Variants in L3MBTL3 observed in about 807,000 individuals in gnomAD.
L3MBTL3 encodes L3MBTL histone methyl-lysine binding protein 3, also known as lethal(3)malignant brain tumor-like protein 3.
L3MBTL3 carries 27 observed loss-of-function variants against 102.3 expected under a neutral mutation model. The observed-to-expected ratio is 0.26, with a 90% CI of 0.19 to 0.36. The LOEUF (loss-of-function observed/expected upper bound fraction) is 0.36. L3MBTL3 is among the 10% of genes least tolerant of loss of function. L3MBTL3 has a pLI of 1.00. For missense variants in L3MBTL3, 798 were observed against 955.3 expected, an observed-to-expected ratio of 0.84 and a Z score of 2.17; for synonymous variants, 340 against 320.9, an observed-to-expected ratio of 1.06 and a Z score of -0.64.
chr6:130,028,173 T>C (rs1485403047), intron 2 of L3MBTL3, among the ~76,000 whole-genome samples: 2 of 152,192 alleles, frequency 1.3e-5, no homozygotes, highest in East Asian at 1.9e-4. Flanking sequence ...TTCATCCTTC[T>C]TACAGTAACA....
intron 3 of L3MBTL3, among the ~76,000 whole-genome samples, chr6:130,046,198 C>G (rs1328797257): frequency 6.6e-6 from 1 of 152,110 alleles, no homozygotes; most frequent in Non-Finnish European, 1.5e-5. Context: ...GAGAGGACAG[C>G]ATCTTATCTA....
At chr6:130,112,066 G>A (rs979549281) in intron 19 of L3MBTL3, among the ~76,000 whole-genome samples, 14 of 152,014 alleles carry the variant, frequency 9.2e-5, no homozygotes, top group African/African-American at 3.4e-4. Flanking sequence ...TCTCATCTTT[G>A]GGGTGTCAGA....
chr6:130,062,847 T>TA (rs538758754), intron 10 of L3MBTL3, among the ~76,000 whole-genome samples: 106 of 151,396 alleles, frequency 7.0e-4, no homozygotes, highest in Non-Finnish European at 1.1e-3. Flanking sequence ...CCTCTGTAAG[T>TA]AGGTCTAGGA....
At chr6:130,049,483 A>G (rs1780950120) in intron 4 of L3MBTL3, 90 bp downstream of exon 4, 1 of 883,016 alleles carries the variant, frequency 1.1e-6, no homozygotes, top group South Asian at 1.8e-5. Flanking sequence ...GGAACTTTGA[A>G]GGCCCCGGGT....
At chr6:130,084,646 ATTC>A (rs1264343549) in intron 15 of L3MBTL3, among the ~76,000 whole-genome samples, 2 of 152,180 alleles carry the variant, frequency 1.3e-5, no homozygotes, top group Admixed American at 6.5e-5. Flanking sequence ...TTAACTTTAA[ATTC>A]TTGTCTGATG....
intron 19 of L3MBTL3, among the ~76,000 whole-genome samples, chr6:130,117,857 G>A (rs1035053802): frequency 5.2e-5 from 7 of 134,776 alleles, no homozygotes; most frequent in Admixed American, 1.5e-4. Context: ...ATGCCAGCAC[G>A]CCTGACTTTT....
At chr6:130,103,347 A>G (rs1784808243) in intron 18 of L3MBTL3, among the ~76,000 whole-genome samples, 1 of 152,188 alleles carries the variant, frequency 6.6e-6, no homozygotes, top group African/African-American at 2.4e-5. Context: ...TGCTTATGAG[A>G]TATCTGTGAT....
rs544925891 is a variant in L3MBTL3 at position 130,073,054 on chromosome 6, T to G, written c.1244+1927T>G. ...CTTATTTACTGTGTTCTTCTGTTCC[T>G]CCTATTTACTGTGTTCTTCTGTTCC... On this transcript the variant is annotated intron_variant, in intron 13 of 22. Transcript: ENST00000361794. Among the ~76,000 whole-genome samples, 3 of 152,254 alleles carry G rather than the reference T, an allele frequency of 2.0e-5. No homozygotes were observed. The East Asian group carries it at 5.8e-4, about 29-fold the overall frequency.
At chr6:130,054,905 C>T (rs1781362924) in intron 7 of L3MBTL3, among the ~76,000 whole-genome samples, 2 of 152,322 alleles carry the variant, frequency 1.3e-5, no homozygotes, top group South Asian at 4.1e-4. Flanking sequence ...AGCGGTCACG[C>T]AGCTGAGAGC....
At chr6:130,117,414 A>C (rs928075301) in intron 19 of L3MBTL3, among the ~76,000 whole-genome samples, 1 of 152,040 alleles carries the variant, frequency 6.6e-6, no homozygotes. Context: ...GCTATTGTGA[A>C]TAATGCCGCA....
chr6:130,080,730 C>A (rs1783285907), intron 14 of L3MBTL3, among the ~76,000 whole-genome samples: 1 of 151,970 alleles, frequency 6.6e-6, no homozygotes, highest in Non-Finnish European at 1.5e-5. Flanking sequence ...ACCAAATACA[C>A]AACAATATGA....
At chr6:130,039,095 T>G (rs1780247779) in intron 2 of L3MBTL3, among the ~76,000 whole-genome samples, 1 of 152,136 alleles carries the variant, frequency 6.6e-6, no homozygotes, top group African/African-American at 2.4e-5. Flanking sequence ...GAACAAAATT[T>G]TCAAGCATAT....
In L3MBTL3 at chr6:130,108,884, G is replaced by C. The variant is rs1381152737; in HGVS notation, c.1886+4309G>C. Among the ~76,000 whole-genome samples, 7 of 152,008 alleles carry C rather than the reference G, an allele frequency of 4.6e-5. No individual in the cohort carries two copies. The East Asian group carries it at 9.7e-4, about 21-fold the overall frequency. On this transcript the variant is annotated intron_variant, in intron 19 of 22. Coordinates refer to ENST00000361794, the MANE Select transcript of L3MBTL3 (RefSeq NM_032438.4). ...CTGTCCCCCGCTGACAGGCCCCCGTGTGTGATGTTCCCCTCCCTGTTTCCG... is the reference window on the plus strand; with the variant it reads ...CTGTCCCCCGCTGACAGGCCCCCGTCTGTGATGTTCCCCTCCCTGTTTCCG...
At chr6:130,076,709 T>C (rs2115051296) in intron 13 of L3MBTL3, among the ~76,000 whole-genome samples, 1 of 152,312 alleles carries the variant, frequency 6.6e-6, no homozygotes, top group Admixed American at 6.5e-5. Flanking sequence ...GTTTCTACTT[T>C]TGAACACTAG....
chr6:130,074,417 C>A (rs923996884), intron 13 of L3MBTL3, among the ~76,000 whole-genome samples: 1 of 152,172 alleles, frequency 6.6e-6, no homozygotes, highest in South Asian at 2.1e-4. Context: ...CTGTTCGATT[C>A]TATCTCCTTG....
chr6:130,072,207 C>T (rs533232071), intron 13 of L3MBTL3, among the ~76,000 whole-genome samples: 53 of 151,790 alleles, frequency 3.5e-4, no homozygotes, highest in African/African-American at 1.1e-3. Context: ...CAATTATTTA[C>T]GTAGTATAAC....
intron 22 of L3MBTL3, chr6:130,138,114 G>C (rs1787899797): frequency 6.6e-6 from 1 of 152,222 alleles, no homozygotes; most frequent in South Asian, 2.1e-4. Flanking sequence ...CATTTAGGCA[G>C]TCTATATTTA....
intron 18 of L3MBTL3, among the ~76,000 whole-genome samples, chr6:130,101,946 C>T (rs1345650430): frequency 1.3e-5 from 2 of 152,154 alleles, no homozygotes; most frequent in Non-Finnish European, 2.9e-5. Context: ...ATGCTCATGG[C>T]GATGCGTGAA....
intron 1 of L3MBTL3, chr6:130,019,313 G>A (rs1288995638): frequency 6.9e-6 from 1 of 145,724 alleles, no homozygotes; most frequent in Admixed American, 6.8e-5. Context: ...GGCGCCGGCG[G>A]GGGGCGCGGG....
Sources: allele counts gnomAD v4.1 joint callset (sites outside exome capture counted in the v4.1 genomes callset), GRCh38; gene constraint gnomAD v4.1.1; transcripts MANE v1.5; gene names NCBI Gene and HGNC (gene_info 2026-07-23, HGNC 2026-07-21).